Variants in SSU72 observed in about 807,000 individuals in gnomAD.
The protein encoded by SSU72 is RNA polymerase II subunit A C-terminal domain phosphatase SSU72.
SSU72 carries 12 observed loss-of-function variants against 22.7 expected under a neutral mutation model. That is an observed-to-expected ratio of 0.53 (90% CI 0.34 to 0.86). The LOEUF (loss-of-function observed/expected upper bound fraction) is 0.86. Ranked by LOEUF, SSU72 falls within the 40% of genes least tolerant of loss-of-function variation. The pLI is 0.02. For missense variants in SSU72, 151 were observed against 249.8 expected (o/e 0.60, Z 2.67); for synonymous variants, 116 against 98.3 (o/e 1.18, Z -1.06).
At chr1:1,543,630 G>A (rs889377608) in intron 4 of SSU72, among the ~76,000 whole-genome samples, 4 of 151,642 alleles carry the variant, frequency 2.6e-5, no homozygotes, top group Admixed American at 2.0e-4. Context: ...ACTCCCCACT[G>A]TCACGGCCTC....
intron 2 of SSU72, chr1:1,561,639 C>T (rs1642594302): frequency 6.6e-6 from 1 of 152,334 alleles, no homozygotes; most frequent in African/African-American, 2.4e-5. Flanking sequence ...GAGGCCCCAC[C>T]CGGCATCGTG....
At chr1:1,553,747 C>T (rs1206588300) in intron 2 of SSU72, among the ~76,000 whole-genome samples, 2 of 150,260 alleles carry the variant, frequency 1.3e-5, no homozygotes, top group Non-Finnish European at 3.0e-5. Context: ...GCCGAGACCA[C>T]GCCACTGCAC....
intron 2 of SSU72, among the ~76,000 whole-genome samples, chr1:1,548,418 C>T (rs1404989043): frequency 6.6e-6 from 1 of 152,084 alleles, no homozygotes; most frequent in African/African-American, 2.4e-5. Flanking sequence ...AGCCAGGCGT[C>T]GTGGCAGGCG....
chr1:1,543,926 C>G lies in SSU72; in HGVS notation c.426G>C (p.Gln142His). 1 of 1,614,096 alleles carries G rather than the reference C, an allele frequency of 6.2e-7. No homozygotes were observed. Among genetic ancestry groups the G allele is most frequent in the Non-Finnish European group, 8.5e-7 (1 of 1,179,980 alleles). Residue 142 changes from glutamine to histidine, a missense_variant, in exon 4 of 5, where the codon CAG (glutamine) becomes CAC (histidine). Coordinates refer to ENST00000291386, the MANE Select transcript of SSU72 (RefSeq NM_014188.3). ...CCAGGGTGGCCTCCTCGTGGTTGTC[C>G]TGGATGTCCACATTGACCACGTGCA... is the stretch of plus-strand genomic sequence containing the variant. ...QPVHVVNVDI[Q>H]DNHEEATLGA...
chr1:1,544,004 GAC>G lies in SSU72; in HGVS notation c.365-19_365-18del. On this transcript the variant is annotated intron_variant, in intron 3 of 4. Transcript: ENST00000291386. ...AATTCAGATCTGATTGGGACAAGGT[GAC>G]ACAGACGTCAGAGGCTCCAAAACCA... 3 of 1,593,468 alleles carry G rather than the reference GAC, an allele frequency of 1.9e-6. No individual in the cohort carries two copies. Among genetic ancestry groups the G allele is most frequent in the Non-Finnish European group, 1.7e-6 (2 of 1,162,946 alleles).
intron 1 of SSU72, among the ~76,000 whole-genome samples, chr1:1,574,007 G>A (rs1167954293): frequency 6.9e-5 from 10 of 144,146 alleles, no homozygotes; most frequent in East Asian, 2.1e-4. Context: ...CAGGGAGGAA[G>A]AGAGGATCTT....
chr1:1,559,555 T>C (rs1215344860), intron 2 of SSU72, among the ~76,000 whole-genome samples: 1 of 152,106 alleles, frequency 6.6e-6, no homozygotes, highest in East Asian at 1.9e-4. Context: ...GGAGCTTAGA[T>C]CCCCGTCCCT....
intron 2 of SSU72, chr1:1,563,799 T>G (rs61350344): frequency 0.017 from 2,597 of 152,216 alleles, 71 homozygotes; most frequent in African/African-American, 0.059. Context: ...TTGCAGTGAG[T>G]CTGCAGTGAG....
chr1:1,568,696 G>A (rs1050625433), intron 1 of SSU72, among the ~76,000 whole-genome samples: 1 of 149,014 alleles, frequency 6.7e-6, no homozygotes, highest in African/African-American at 2.5e-5. Context: ...AGGCGGAGGA[G>A]GACGGATCAC....
Position 1,574,624 on chromosome 1 carries a change from A to C in SSU72, c.-67T>G. 1 of 1,478,732 alleles carries C rather than the reference A, an allele frequency of 6.8e-7. No homozygotes were observed. Among genetic ancestry groups the C allele is most frequent in the South Asian group, 1.2e-5 (1 of 80,022 alleles). 91.6% of individuals were successfully genotyped at this position (1,478,732 alleles called of 1,614,324 possible). On this transcript the variant is annotated 5_prime_UTR_variant, in exon 1 of 5. Transcript: ENST00000291386. ...CACCCTACCGCGGCGCTTCCGCGCG[A>C]ACAAAATGGCGGCCGCGGTGGCCGG...
In SSU72 at chr1:1,544,954, G is replaced by T; in HGVS notation, c.273C>A (p.Ile91=). 2 of 1,614,202 alleles carry T rather than the reference G, an allele frequency of 1.2e-6. No homozygotes were observed. Among genetic ancestry groups the T allele is most frequent in the Non-Finnish European group, 1.7e-6 (2 of 1,180,036 alleles). The part of the protein sequence containing the change: ...ILHMLDRNKR[I]KPRPERFQNC... The stretch of plus-strand genomic sequence containing the variant: ...TCTGGAATCTTTCTGGCCGGGGCTT[G>T]ATTCTCTTATTTCTGTCCAGCATAT... Residue 91 remains isoleucine (I), a synonymous_variant, in exon 3 of 5, where the codon ATC becomes ATA. Coordinates refer to ENST00000291386, the MANE Select transcript of SSU72 (RefSeq NM_014188.3).
At position 1,542,130 on chromosome 1, in the gene SSU72, T is replaced by G. The variant is rs1434152589; in HGVS notation, c.521A>C (p.Glu174Ala). 6.3e-7 allele frequency: 1 copy of G among 1,593,552 alleles called. No homozygotes were observed. ...HTEDMENEID[E>A]LLQEFEEKSG... ...CTTCTCCTCGAACTCCTGCAGCAGC[T>G]CGTCGATCTCGTTCTCCATGTCTTC... The change falls in exon 5 of 5, where the codon GAG becomes GCG. Residue 174 changes from glutamate (E) to alanine (A), a missense_variant. Transcript: ENST00000291386. This position sits in a 1 kb window ranked among gnomAD's most constrained non-coding sequence, Gnocchi z 4.4.
chr1:1,552,287 C>T (rs752618590), intron 2 of SSU72, among the ~76,000 whole-genome samples: 3 of 152,202 alleles, frequency 2.0e-5, no homozygotes, highest in Non-Finnish European at 4.4e-5. Context: ...CAAAGGTAAC[C>T]ACTCCCCACA....
At chr1:1,564,741 G>A (rs1053104069) in intron 2 of SSU72, 32 bp downstream of exon 2, 1 of 1,614,178 alleles carries the variant, frequency 6.2e-7, no homozygotes, top group African/African-American at 1.3e-5. Flanking sequence ...GGACCACACG[G>A]GGGGTTTTTA....
At chr1:1,571,794 A>AT (rs71578326) in intron 1 of SSU72, among the ~76,000 whole-genome samples, 77,028 of 149,222 alleles carry the variant, frequency 0.52, 23,916 homozygotes, top group East Asian at 0.86. Context: ...TAGCTAAATA[A>AT]TTTTTTTTTT....
chr1:1,566,084 C>T (rs1642657330), intron 1 of SSU72, among the ~76,000 whole-genome samples: 1 of 150,262 alleles, frequency 6.7e-6, no homozygotes, highest in Non-Finnish European at 1.5e-5. Context: ...GGCGAAACCC[C>T]AGCTCCGTTT....
rs150478118 is a variant in SSU72 at position 1,554,119 on chromosome 1, G to A, written c.225-9117C>T. Among the ~76,000 whole-genome samples, 741 of 152,368 alleles carry A rather than the reference G, an allele frequency of 4.9e-3. 4 individuals carry two copies. Among genetic ancestry groups the A allele is most frequent in the South Asian group, 0.02 (95 of 4,828 alleles). On this transcript the variant is annotated intron_variant, in intron 2 of 4. Coordinates refer to ENST00000291386, the MANE Select transcript of SSU72 (RefSeq NM_014188.3). This position sits in a 1 kb window ranked among gnomAD's most constrained non-coding sequence, Gnocchi z 4.1. ...CAGCTCCAGGGAGTGGAGCGGTTGT[G>A]AGATTCACCATCAGCAAAAAGTGAA...
intron 1 of SSU72, among the ~76,000 whole-genome samples, chr1:1,566,433 C>G (rs1642662065): frequency 6.6e-6 from 1 of 152,232 alleles, no homozygotes; most frequent in Non-Finnish European, 1.5e-5. Context: ...GCAGGGCGCA[C>G]ATACACTTCC....
At chr1:1,561,836 C>A (rs1642597299) in intron 2 of SSU72, 1 of 152,150 alleles carries the variant, frequency 6.6e-6, no homozygotes, top group Non-Finnish European at 1.5e-5. Flanking sequence ...CCTGAGGGGC[C>A]ACCACAGGCA....
Sources: gnomAD v4.1 joint callset for allele counts (sites outside exome capture counted in the v4.1 genomes callset) on GRCh38, gnomAD v4.1.1 for gene constraint, Gnocchi (gnomAD v3.1) non-coding constraint, MANE v1.5 for transcripts, NCBI Gene and HGNC (gene_info 2026-07-23, HGNC 2026-07-21) for gene names.